Variants in MYO1D observed in about 807,000 individuals in gnomAD.
MYO1D encodes the protein myosin ID.
In MYO1D, 83 loss-of-function variants were observed where a neutral mutation model predicts 122.0. The observed-to-expected ratio is 0.68, with a 90% CI of 0.57 to 0.82. The LOEUF (loss-of-function observed/expected upper bound fraction) is 0.82. Ranked by LOEUF, MYO1D falls within the 40% of genes least tolerant of loss-of-function variation. The pLI is 0.00. For missense variants in MYO1D, 1,157 were observed against 1,269.5 expected, an observed-to-expected ratio of 0.91 and a Z score of 1.35; for synonymous variants, 464 against 446.9, an observed-to-expected ratio of 1.04 and a Z score of -0.48.
Position 32,745,221 on chromosome 17 carries a change from TA to T in MYO1D, c.1602del (p.Met535CysfsTer18). The T allele has an allele frequency of 6.6e-7, 1 of 1,511,612 alleles. No individual in the cohort carries two copies. The highest frequency in any genetic ancestry group is 9.1e-7 in the Non-Finnish European group (1 of 1,093,042). The allele number at this position is 1,511,612 out of a possible 1,614,324, so 93.6% of individuals were successfully genotyped here. A position where few individuals can be genotyped will look rare whatever the true frequency, so the allele number is the denominator to read the frequency against. On this transcript the variant is annotated frameshift_variant, in exon 13 of 22. Transcript: ENST00000318217. LOFTEE classifies it high-confidence loss of function. ...KDTLFQDFKR[L>X]MYNSSNPVLK... ...AAATTTCAATCTTACCTGTTATACA[TA>T]AGGCGCTTGAAATCTTGAAATAAAG...
intron 19 of MYO1D, among the ~76,000 whole-genome samples, chr17:32,640,538 A>G (rs1419392559): frequency 7.7e-6 from 1 of 130,598 alleles, no homozygotes; most frequent in African/African-American, 3.0e-5. Flanking sequence ...ATGTGATCTC[A>G]TTGTTCAATT....
At chr17:32,532,363 C>T (rs1910530604) in intron 21 of MYO1D, among the ~76,000 whole-genome samples, 1 of 152,202 alleles carries the variant, frequency 6.6e-6, no homozygotes, top group Non-Finnish European at 1.5e-5. Flanking sequence ...GCAGAATAAA[C>T]AGTGTAGTGT....
At chr17:32,742,367 A>T (rs1049679284) in intron 13 of MYO1D, among the ~76,000 whole-genome samples, 1 of 152,212 alleles carries the variant, frequency 6.6e-6, no homozygotes, top group Non-Finnish European at 1.5e-5. Context: ...TTCCACTAGA[A>T]ATAAATCCAC....
At chr17:32,617,798 T>C (rs1251760278) in intron 20 of MYO1D, among the ~76,000 whole-genome samples, 3 of 152,200 alleles carry the variant, frequency 2.0e-5, no homozygotes, top group Non-Finnish European at 4.4e-5. Flanking sequence ...GAAACCTTAA[T>C]TTTGTAAATG....
intron 1 of MYO1D, among the ~76,000 whole-genome samples, chr17:32,844,377 A>ATG (rs2090915429): frequency 1.4e-5 from 2 of 146,532 alleles, no homozygotes; most frequent in Admixed American, 1.4e-4. Context: ...TATAGTATAT[A>ATG]TGTGTATATA....
At chr17:32,798,822 C>T (rs976970727) in intron 1 of MYO1D, among the ~76,000 whole-genome samples, 1 of 152,184 alleles carries the variant, frequency 6.6e-6, no homozygotes, top group African/African-American at 2.4e-5. Context: ...TGGCATTTTA[C>T]AGCTTTCTTC....
At chr17:32,704,036 T>C (rs2089278459) in intron 16 of MYO1D, among the ~76,000 whole-genome samples, 1 of 152,242 alleles carries the variant, frequency 6.6e-6, no homozygotes, top group African/African-American at 2.4e-5. Flanking sequence ...CTCAGCTCCA[T>C]CCACGTGTTT....
chr17:32,776,893 A>G (rs1343648332), intron 3 of MYO1D, among the ~76,000 whole-genome samples: 1 of 152,192 alleles, frequency 6.6e-6, no homozygotes, highest in Admixed American at 6.5e-5. Context: ...CTTCTTATAC[A>G]GGCATACCTG....
At chr17:32,809,741 T>C (rs1272318788) in intron 1 of MYO1D, among the ~76,000 whole-genome samples, 1 of 152,190 alleles carries the variant, frequency 6.6e-6, no homozygotes, top group Non-Finnish European at 1.5e-5. Flanking sequence ...GCCCAGCCAT[T>C]GGGCTGTTTT....
intron 1 of MYO1D, among the ~76,000 whole-genome samples, chr17:32,874,011 G>A (rs1475545547): frequency 2.0e-5 from 3 of 151,916 alleles, no homozygotes; most frequent in East Asian, 1.9e-4. Context: ...CTTTCATGCC[G>A]CCAACCCCTG....
At chr17:32,567,964 G>T (rs1025356082) in intron 21 of MYO1D, among the ~76,000 whole-genome samples, 3 of 152,076 alleles carry the variant, frequency 2.0e-5, no homozygotes, top group African/African-American at 7.2e-5. Flanking sequence ...GGGAAGTGTG[G>T]GTGGCTTGGT....
At chr17:32,831,996 G>T (rs774364476) in intron 1 of MYO1D, among the ~76,000 whole-genome samples, 2 of 152,170 alleles carry the variant, frequency 1.3e-5, no homozygotes, top group Non-Finnish European at 2.9e-5. Flanking sequence ...CAGCTCAGCT[G>T]TGTAATTTTG....
intron 1 of MYO1D, among the ~76,000 whole-genome samples, chr17:32,854,171 A>C (rs552246530): frequency 6.6e-6 from 1 of 152,220 alleles, no homozygotes; most frequent in African/African-American, 2.4e-5. Flanking sequence ...CACTCCACGG[A>C]AAGTTTCTTT....
chr17:32,694,782 G>A (rs959954052), intron 16 of MYO1D, among the ~76,000 whole-genome samples: 1 of 150,636 alleles, frequency 6.6e-6, no homozygotes, highest in Non-Finnish European at 1.5e-5. Context: ...ACTGCTTGCT[G>A]GTCATCTCTA....
chr17:32,653,607 C>CAAAAA (rs35172819), intron 19 of MYO1D, among the ~76,000 whole-genome samples: 1 of 99,994 alleles, frequency 1.0e-5, no homozygotes, highest in Non-Finnish European at 2.0e-5. Flanking sequence ...ACTCCGTCTC[C>CAAAAA]AAAAAAAAAA....
rs537074440 is a variant in MYO1D at position 32,618,491 on chromosome 17, C to T, written c.2710-13250G>A. On this transcript the variant is annotated intron_variant, in intron 20 of 21. Coordinates refer to ENST00000318217, the MANE Select transcript of MYO1D (RefSeq NM_015194.3). The stretch of plus-strand genomic sequence containing the variant: ...TCCACATCCTGACAGGGATCAAGGG[C>T]ACCATCAAGAAGAACATTTACAACC... Among the ~76,000 whole-genome samples the T allele has an allele frequency of 2.6e-5, 4 of 152,240 alleles. No individual in the cohort carries two copies. In the East Asian group the frequency reaches 7.7e-4, roughly 29 times the overall value.
intron 21 of MYO1D, among the ~76,000 whole-genome samples, chr17:32,555,446 CA>C (rs1179223169): frequency 1.3e-5 from 2 of 150,666 alleles, no homozygotes; most frequent in African/African-American, 2.5e-5. Context: ...TGTGTGCTTC[CA>C]GTTTTTTTTA....
At chr17:32,670,727 C>T (rs967504460) in intron 16 of MYO1D, among the ~76,000 whole-genome samples, 1 of 152,174 alleles carries the variant, frequency 6.6e-6, no homozygotes. Flanking sequence ...ACCATGTTTG[C>T]ATACTCACAA....
At chr17:32,745,350 C>T (rs1244628972) in intron 12 of MYO1D, 65 bp from the exon 13 acceptor site, 3 of 1,013,688 alleles carry the variant, frequency 3.0e-6, no homozygotes, top group Non-Finnish European at 3.0e-6. Context: ...TTAAGTTTTT[C>T]CAGGAGGCAA....
Sources: allele counts gnomAD v4.1 joint callset (sites outside exome capture counted in the v4.1 genomes callset), GRCh38; gene constraint gnomAD v4.1.1; transcripts MANE v1.5; gene names NCBI Gene and HGNC (gene_info 2026-07-23, HGNC 2026-07-21).